The following CDH13 variants were observed in gnomAD, a reference collection of about 807,000 sequenced individuals.
CDH13 encodes cadherin-13.
A neutral mutation model predicts 63.8 loss-of-function variants in CDH13; 24 were observed. That is an observed-to-expected ratio of 0.38 (90% confidence interval 0.27 to 0.53). The LOEUF is 0.53. Among genes scored for constraint, CDH13 ranks in the 20% least tolerant of loss-of-function variants. The pLI is 0.85. For synonymous variants in CDH13, 503 were observed against 355.3 expected (o/e 1.42, Z -4.67); for missense variants, 1,049 against 903.1 (o/e 1.16, Z -2.07).
intron 3 of CDH13, among the ~76,000 whole-genome samples, chr16:83,102,196 G>A (rs2034512231): frequency 1.3e-5 from 2 of 152,188 alleles, no homozygotes; most frequent in African/African-American, 4.8e-5. Context: ...CTTCCAGAAG[G>A]AACACAGTTC....
chr16:83,491,305 A>C (rs2074006338), intron 7 of CDH13, among the ~76,000 whole-genome samples: 1 of 152,224 alleles, frequency 6.6e-6, no homozygotes, highest in East Asian at 1.9e-4. Context: ...ATATTCCAGT[A>C]AATGAAATTA....
intron 8 of CDH13, among the ~76,000 whole-genome samples, chr16:83,636,411 T>C (rs1054807141): frequency 6.6e-6 from 1 of 152,116 alleles, no homozygotes; most frequent in African/African-American, 2.4e-5. Flanking sequence ...AGCACCCAAA[T>C]TGGTAGTTTT....
intron 1 of CDH13, among the ~76,000 whole-genome samples, chr16:82,684,898 C>A (rs181013033): frequency 6.6e-6 from 1 of 151,410 alleles, no homozygotes; most frequent in Non-Finnish European, 1.5e-5. Flanking sequence ...CTTGGGTATT[C>A]TTTGAGGAAA....
At chr16:82,904,514 G>A (rs1172771766) in intron 2 of CDH13, among the ~76,000 whole-genome samples, 1 of 152,072 alleles carries the variant, frequency 6.6e-6, no homozygotes, top group African/African-American at 2.4e-5. Context: ...TATTAGGTTG[G>A]GGCGAAAGTA....
At chr16:82,662,466 G>C (rs910527454) in intron 1 of CDH13, among the ~76,000 whole-genome samples, 1 of 152,218 alleles carries the variant, frequency 6.6e-6, no homozygotes, top group Non-Finnish European at 1.5e-5. Context: ...CATGAACAGA[G>C]GGTTTTCTCT....
chr16:83,102,020 A>G (rs556755356), intron 3 of CDH13, among the ~76,000 whole-genome samples: 15 of 152,332 alleles, frequency 9.8e-5, no homozygotes, highest in African/African-American at 2.4e-4. Flanking sequence ...GATGGGTCCA[A>G]TGTTATCACC....
At chr16:83,635,921 A>G (rs2150801955) in intron 8 of CDH13, among the ~76,000 whole-genome samples, 1 of 152,186 alleles carries the variant, frequency 6.6e-6, no homozygotes, top group East Asian at 1.9e-4. Context: ...TTTCTTCTAC[A>G]AATTTTTATA....
intron 7 of CDH13, among the ~76,000 whole-genome samples, chr16:83,573,806 C>G (rs1263667690): frequency 6.6e-6 from 1 of 152,194 alleles, no homozygotes; most frequent in East Asian, 1.9e-4. Flanking sequence ...TGTCAAATCA[C>G]TACACTCATT....
At chr16:83,346,131 C>A (rs908316545) in intron 6 of CDH13, among the ~76,000 whole-genome samples, 1 of 152,086 alleles carries the variant, frequency 6.6e-6, no homozygotes, top group Non-Finnish European at 1.5e-5. Flanking sequence ...GCTTTAAATG[C>A]GCTCCGTAAA....
chr16:83,114,327 T>C (rs2151626377), intron 3 of CDH13, among the ~76,000 whole-genome samples: 1 of 152,202 alleles, frequency 6.6e-6, no homozygotes, highest in East Asian at 1.9e-4. Flanking sequence ...AAAGGATGCA[T>C]GCATGAAGAC....
intron 1 of CDH13, among the ~76,000 whole-genome samples, chr16:82,722,003 C>G (rs188086955): frequency 1.3e-5 from 2 of 152,120 alleles, no homozygotes; most frequent in Non-Finnish European, 1.5e-5. Flanking sequence ...GACCCATAGT[C>G]GGACAGACCA....
At chr16:83,294,625 T>TAA (rs1597684909) in intron 5 of CDH13, among the ~76,000 whole-genome samples, 1 of 151,892 alleles carries the variant, frequency 6.6e-6, no homozygotes, top group East Asian at 1.9e-4. Context: ...TGTGTATATA[T>TAA]ATATGTGATA....
chr16:83,338,044 A>T (rs2090636601), intron 5 of CDH13, among the ~76,000 whole-genome samples: 1 of 152,154 alleles, frequency 6.6e-6, no homozygotes, highest in Non-Finnish European at 1.5e-5. Context: ...ATGACAAATC[A>T]GCTTTGACAC....
At chr16:83,588,333 C>T (rs887089289) in intron 7 of CDH13, among the ~76,000 whole-genome samples, 1 of 152,208 alleles carries the variant, frequency 6.6e-6, no homozygotes, top group Non-Finnish European at 1.5e-5. Context: ...TGAGAGCAAC[C>T]TGAGGCCAAA....
intron 10 of CDH13, among the ~76,000 whole-genome samples, chr16:83,734,242 G>A (rs394796): frequency 0.74 from 112,329 of 152,016 alleles, 42,048 homozygotes; most frequent in Middle Eastern, 0.81. Context: ...AATTGTTACC[G>A]AAGCACCAGG....
rs145144582 is a variant in CDH13 at position 83,713,223 on chromosome 16, G to T, written c.1538+34762G>T. 6.4e-4 allele frequency among the ~76,000 whole-genome samples: 97 copies of T among 152,260 alleles called. 1 individual carries two copies. The highest frequency in any genetic ancestry group is 6.8e-3 in the Middle Eastern group (2 of 292). Reference sequence around the variant, plus strand: ...CTTCCAACCCTCTCTCCGTCTAACGGGCTGGGGTCCTTCATGGACGCATTG... The same window carrying T: ...CTTCCAACCCTCTCTCCGTCTAACGTGCTGGGGTCCTTCATGGACGCATTG... On this transcript the variant is annotated intron_variant, in intron 10 of 13. Transcript: ENST00000567109.
rs145043171 is a variant in CDH13 at position 83,051,062 on chromosome 16, T to C, written c.366+18844T>C. The stretch of plus-strand genomic sequence containing the variant: ...GGGCCACTTTCTTTTAAGTTTATCT[T>C]TCTCCCTTTTCCTGTGATCCAATCT... On this transcript the variant is annotated intron_variant, in intron 3 of 13. Transcript: ENST00000567109. 2.0e-3 allele frequency among the ~76,000 whole-genome samples: 300 copies of C among 152,336 alleles called. 3 individuals carry two copies. The Middle Eastern group carries it at 0.02, about 10-fold the overall frequency.
intron 13 of CDH13, among the ~76,000 whole-genome samples, chr16:83,784,605 C>T (rs1432368197): frequency 6.9e-6 from 1 of 145,706 alleles, no homozygotes; most frequent in South Asian, 2.2e-4. Context: ...GATCTCCAAC[C>T]TGGGTGACAG....
At chr16:83,087,555 C>T (rs1308308927) in intron 3 of CDH13, among the ~76,000 whole-genome samples, 1 of 151,246 alleles carries the variant, frequency 6.6e-6, no homozygotes, top group Non-Finnish European at 1.5e-5. Context: ...ATAGTCCCAG[C>T]TACTCAGGAG....
Sources: allele counts gnomAD v4.1 joint callset (sites outside exome capture counted in the v4.1 genomes callset), GRCh38; gene constraint gnomAD v4.1.1; transcripts MANE v1.5; gene names NCBI Gene and HGNC (gene_info 2026-07-23, HGNC 2026-07-21).